ODAD2: variants seen among roughly 807,000 people sequenced by gnomAD.
The protein encoded by ODAD2 is outer dynein arm-docking complex subunit 2.
In ODAD2, 89 loss-of-function variants were observed where a neutral mutation model predicts 106.8. That is an observed-to-expected ratio of 0.83 (90% CI 0.70 to 0.99). The LOEUF (loss-of-function observed/expected upper bound fraction) is 0.99. Ranked by LOEUF, ODAD2 falls within the 50% of genes least tolerant of loss-of-function variation. The pLI, the probability that ODAD2 is intolerant of heterozygous loss-of-function variation, is 0.00. For synonymous variants in ODAD2, 404 were observed against 436.2 expected, an observed-to-expected ratio of 0.93 and a Z score of 0.92; for missense variants, 1,168 against 1,238.5, an observed-to-expected ratio of 0.94 and a Z score of 0.85.
intron 8 of ODAD2, among the ~76,000 whole-genome samples, chr10:27,970,146 A>AAATAAATC (rs1207944596): frequency 6.7e-6 from 1 of 149,198 alleles, no homozygotes; most frequent in Non-Finnish European, 1.5e-5. Context: ...ATAAATAAAT[A>AAATAAATC]AATCTCTAGG....
chr10:27,909,542 G>A (rs1843840947), intron 16 of ODAD2, among the ~76,000 whole-genome samples: 1 of 152,046 alleles, frequency 6.6e-6, no homozygotes, highest in Non-Finnish European at 1.5e-5. Context: ...CAGGGGCGGG[G>A]CCCAGTGACT....
At chr10:27,816,088 A>G (rs931340237) in intron 19 of ODAD2, among the ~76,000 whole-genome samples, 2 of 152,176 alleles carry the variant, frequency 1.3e-5, no homozygotes, top group Non-Finnish European at 2.9e-5. Flanking sequence ...CCAACTGATT[A>G]TCATATTCTT....
At chr10:27,936,630 C>A (rs1257557716) in intron 15 of ODAD2, 96 bp downstream of exon 15, 1 of 1,316,996 alleles carries the variant, frequency 7.6e-7, no homozygotes, top group Non-Finnish European at 1.1e-6. Flanking sequence ...CTACAACTAA[C>A]ATTAGAATTG....
intron 19 of ODAD2, among the ~76,000 whole-genome samples, chr10:27,844,150 G>T (rs180766139): frequency 6.6e-6 from 1 of 152,248 alleles, no homozygotes; most frequent in Non-Finnish European, 1.5e-5. Flanking sequence ...AGCTATGATC[G>T]TGCCACTGTA....
At chr10:27,832,701 T>C (rs1837577677) in intron 19 of ODAD2, among the ~76,000 whole-genome samples, 1 of 152,172 alleles carries the variant, frequency 6.6e-6, no homozygotes, top group Non-Finnish European at 1.5e-5. Context: ...CTTTTCTCCT[T>C]AAACGTTATT....
intron 7 of ODAD2, among the ~76,000 whole-genome samples, chr10:27,974,770 T>C (rs1849087551): frequency 3.3e-5 from 5 of 151,964 alleles, no homozygotes; most frequent in Admixed American, 3.3e-4. Context: ...TTTCTAGTTC[T>C]GTGAAGAATG....
intron 16 of ODAD2, among the ~76,000 whole-genome samples, chr10:27,909,426 G>T (rs1340149586): frequency 6.6e-6 from 1 of 152,086 alleles, no homozygotes; most frequent in African/African-American, 2.4e-5. Flanking sequence ...TGTAAAATTA[G>T]ATCTATCATT....
intron 1 of ODAD2, among the ~76,000 whole-genome samples, chr10:27,997,685 A>C (rs954395678): frequency 1.3e-5 from 2 of 152,216 alleles, no homozygotes; most frequent in African/African-American, 4.8e-5. Context: ...AGGGTGGCCT[A>C]TGACAATCCA....
chr10:27,823,957 G>T (rs1048145972), intron 19 of ODAD2, among the ~76,000 whole-genome samples: 1 of 119,250 alleles, frequency 8.4e-6, no homozygotes, highest in Non-Finnish European at 1.6e-5. Context: ...TGGCTAACAC[G>T]GTGAAACCCC....
At chr10:27,869,085 T>A (rs1175566473) in intron 17 of ODAD2, among the ~76,000 whole-genome samples, 1 of 151,914 alleles carries the variant, frequency 6.6e-6, no homozygotes, top group Non-Finnish European at 1.5e-5. Flanking sequence ...AGCAACTTTT[T>A]AAAAGACAGA....
At chr10:27,864,416 A>C (rs1051230633) in intron 17 of ODAD2, among the ~76,000 whole-genome samples, 1 of 149,528 alleles carries the variant, frequency 6.7e-6, no homozygotes, top group Admixed American at 6.8e-5. Context: ...TTAGAAAAAA[A>C]AAACAGGCTG....
At chr10:27,879,894 A>C (rs1841587052) in intron 17 of ODAD2, among the ~76,000 whole-genome samples, 1 of 152,170 alleles carries the variant, frequency 6.6e-6, no homozygotes, top group Non-Finnish European at 1.5e-5. Context: ...ACCTTTAGCC[A>C]ATTTTCATAT....
At chr10:27,840,443 T>C (rs1404326475) in intron 19 of ODAD2, among the ~76,000 whole-genome samples, 1 of 152,180 alleles carries the variant, frequency 6.6e-6, no homozygotes, top group Non-Finnish European at 1.5e-5. Context: ...TTGACTGCCT[T>C]TGTGTTCCAC....
intron 17 of ODAD2, among the ~76,000 whole-genome samples, chr10:27,901,839 T>TAA (rs1382795040): frequency 6.6e-6 from 1 of 152,156 alleles, no homozygotes; most frequent in East Asian, 1.9e-4. Context: ...CAAAGAGACT[T>TAA]ATACTCCAAC....
chr10:27,823,917 G>A (rs1222011412), intron 19 of ODAD2, among the ~76,000 whole-genome samples: 4 of 116,256 alleles, frequency 3.4e-5, no homozygotes, highest in Non-Finnish European at 6.4e-5. Flanking sequence ...GAGGCGGGCG[G>A]ATCACGAGGT....
At chr10:27,829,299 A>G (rs1228686520) in intron 19 of ODAD2, among the ~76,000 whole-genome samples, 2 of 152,216 alleles carry the variant, frequency 1.3e-5, no homozygotes, top group Admixed American at 1.3e-4. Flanking sequence ...TAAACTCATA[A>G]AGATGAAAAT....
chr10:27,944,775 T>G, intron 11 of ODAD2, 41 bp downstream of exon 11: 4 of 1,612,182 alleles, frequency 2.5e-6, no homozygotes, highest in Non-Finnish European at 3.4e-6. Flanking sequence ...CCCAGGAAGG[T>G]GGGAACAAGA....
chr10:27,924,007 A>AAAGAAAGAAAGAAAGAAAGAAAGG (rs1845013049), intron 16 of ODAD2, among the ~76,000 whole-genome samples: 1 of 126,560 alleles, frequency 7.9e-6, no homozygotes, highest in East Asian at 2.2e-4. Flanking sequence ...AGAAAGAAAG[A>AAAGAAAGAAAGAAAGAAAGAAAGG]AAGAAAGAAA....
At chr10:27,963,814 C>G (rs189460994) in intron 9 of ODAD2, among the ~76,000 whole-genome samples, 2,544 of 151,954 alleles carry the variant, frequency 0.017, 29 homozygotes, top group Middle Eastern at 0.024. Context: ...TTTTAGACCC[C>G]CATGCATTTG....
Sources: gnomAD v4.1 joint callset for allele counts (sites outside exome capture counted in the v4.1 genomes callset) on GRCh38, gnomAD v4.1.1 for gene constraint, MANE v1.5 for transcripts, NCBI Gene and HGNC (gene_info 2026-07-23, HGNC 2026-07-21) for gene names.